CEP128: variants seen among roughly 807,000 people sequenced by gnomAD.
CEP128 encodes centrosomal protein 128.
In CEP128, 132 loss-of-function variants were observed where a neutral mutation model predicts 156.7. The observed-to-expected ratio is 0.84, with a 90% confidence interval of 0.73 to 0.97. The LOEUF is 0.97. Among genes scored for constraint, CEP128 ranks in the 50% least tolerant of loss-of-function variants. The pLI, the probability that CEP128 is intolerant of heterozygous loss-of-function variation, is 0.00. For missense variants in CEP128, 1,252 were observed against 1,281.9 expected (o/e 0.98, Z 0.36); for synonymous variants, 469 against 448.9 (o/e 1.04, Z -0.57).
intron 19 of CEP128, among the ~76,000 whole-genome samples, chr14:80,617,190 G>A (rs976635688): frequency 7.1e-6 from 1 of 141,264 alleles, no homozygotes; most frequent in African/African-American, 2.6e-5. Flanking sequence ...ATCCATTGGG[G>A]CAAATCACTT....
At position 80,836,267 on chromosome 14, in the gene CEP128, T is replaced by G; in HGVS notation, c.995A>C (p.Gln332Pro). 6.2e-7 allele frequency: 1 copy of G among 1,613,952 alleles called. No individual in the cohort carries two copies. The highest frequency in any genetic ancestry group is 1.7e-5 in the Admixed American group (1 of 60,026). Residue 332 changes from glutamine to proline, a missense_variant, in exon 12 of 25, where the codon CAG becomes CCG. Transcript: ENST00000555265. ...DRKGLQHQVSQISKQQSNYQD... is the reference protein window; with the variant it reads ...DRKGLQHQVSPISKQQSNYQD... ...ATAGTTTGACTGTTGCTTGGAAATC[T>G]GAGATACTTGATGCTGTAAACCCTT... is the stretch of plus-strand genomic sequence containing the variant.
chr14:80,766,722 A>G (rs917081113), intron 16 of CEP128, among the ~76,000 whole-genome samples: 1 of 152,152 alleles, frequency 6.6e-6, no homozygotes, highest in African/African-American at 2.4e-5. Flanking sequence ...TACAAAGGTA[A>G]TTAATGGTTT....
intron 13 of CEP128, among the ~76,000 whole-genome samples, chr14:80,818,868 T>A (rs1270126609): frequency 6.6e-6 from 1 of 152,260 alleles, no homozygotes; most frequent in Non-Finnish European, 1.5e-5. Context: ...TCAGCTACTT[T>A]GTCTTCTGAG....
At chr14:80,485,765 C>T (rs6574581), downstream of CEP128, among the ~76,000 whole-genome samples, 64,500 of 151,980 alleles carry the variant, frequency 0.42, 16,239 homozygotes, top group East Asian at 0.69. Flanking sequence ...GAGTGGAAGG[C>T]CACTAGTGCT....
chr14:80,852,893 A>G (rs563513797), intron 9 of CEP128, among the ~76,000 whole-genome samples: 84 of 152,060 alleles, frequency 5.5e-4, no homozygotes, highest in African/African-American at 1.9e-3. Context: ...ACAAATATAA[A>G]AATCCTAAGA....
intron 19 of CEP128, among the ~76,000 whole-genome samples, chr14:80,734,298 G>A (rs953374935): frequency 1.3e-5 from 2 of 152,204 alleles, no homozygotes; most frequent in Middle Eastern, 3.4e-3. Flanking sequence ...AGCCTGCATT[G>A]TGTCTTCATA....
intron 2 of CEP128, among the ~76,000 whole-genome samples, chr14:80,950,894 C>T (rs1886450186): frequency 8.6e-6 from 1 of 116,946 alleles, no homozygotes; most frequent in South Asian, 2.7e-4. Flanking sequence ...ATCTGAAAAG[C>T]ATCCCGAGTA....
chr14:80,718,336 T>C (rs1475294250), intron 19 of CEP128, among the ~76,000 whole-genome samples: 1 of 152,218 alleles, frequency 6.6e-6, no homozygotes, highest in Non-Finnish European at 1.5e-5. Flanking sequence ...GCATAACATT[T>C]GCTTCTAAAT....
intron 2 of CEP128, among the ~76,000 whole-genome samples, chr14:80,937,465 TC>T (rs1444057879): frequency 6.6e-6 from 1 of 152,038 alleles, no homozygotes; most frequent in Non-Finnish European, 1.5e-5. Context: ...AAATTTTAAT[TC>T]ACTCATCCAT....
rs547925946 is a variant in CEP128, at chr14:80,639,276, C to A, written c.2807-58853G>T. Among the ~76,000 whole-genome samples the A allele has an allele frequency of 7.2e-5, 11 of 152,164 alleles. No individual in the cohort carries two copies. The East Asian group carries it at 2.1e-3, about 29-fold the overall frequency. Reference sequence around the variant, plus strand: ...TAGCAGATACATACAAGATGTAGCTCAGAAGCTGAGTTCAGACAAAACAAT... The same window carrying A: ...TAGCAGATACATACAAGATGTAGCTAAGAAGCTGAGTTCAGACAAAACAAT... On this transcript the variant is annotated intron_variant, in intron 19 of 24. Coordinates refer to ENST00000555265, the MANE Select transcript of CEP128 (RefSeq NM_152446.5).
At position 80,916,433 on chromosome 14, in the gene CEP128, C is replaced by G. The variant is rs371987779; in HGVS notation, c.115G>C (p.Glu39Gln). ...GTACTTGTTATAGTGTTGACCTTCT[C>G]GGTAACTTCTACTGTAGGAAGACTT... ...TRSLPTVEVT[E>Q]KVNTITSTLQ... Residue 39 changes from glutamate (E) to glutamine (Q), a missense_variant, in exon 3 of 25, where the codon GAG (glutamate) becomes CAG (glutamine). Physicochemically the swap from Glu to Gln is conservative, Grantham distance 29. Coordinates refer to ENST00000555265, the MANE Select transcript of CEP128 (RefSeq NM_152446.5). 1.2e-6 allele frequency: 2 copies of G among 1,613,974 alleles called. No individual in the cohort carries two copies. The highest frequency in any genetic ancestry group is 1.7e-6 in the Non-Finnish European group (2 of 1,179,926).
At chr14:80,532,574 C>A (rs570122534) in intron 21 of CEP128, among the ~76,000 whole-genome samples, 22 of 152,244 alleles carry the variant, frequency 1.4e-4, no homozygotes, top group Non-Finnish European at 2.2e-4. Flanking sequence ...TCTAACCCTT[C>A]CTTACAGACA....
At chr14:80,539,708 C>A (rs1594968996) in intron 21 of CEP128, among the ~76,000 whole-genome samples, 1 of 151,962 alleles carries the variant, frequency 6.6e-6, no homozygotes, top group Non-Finnish European at 1.5e-5. Flanking sequence ...CGGGGTCAGG[C>A]AAAACAGCCA....
chr14:80,530,120 A>G (rs969038474), intron 22 of CEP128, among the ~76,000 whole-genome samples: 7 of 152,254 alleles, frequency 4.6e-5, no homozygotes, highest in Non-Finnish European at 1.0e-4. Flanking sequence ...AGCTTCAGCT[A>G]TACAAGGTCA....
chr14:80,755,941 A>T (rs1227251202), intron 18 of CEP128, among the ~76,000 whole-genome samples: 1 of 152,178 alleles, frequency 6.6e-6, no homozygotes, highest in East Asian at 1.9e-4. Context: ...ACTGCTCACA[A>T]GCTCCCAAAT....
rs75973181 is a variant in CEP128, at chr14:80,617,860, T to A, written c.2807-37437A>T. On this transcript the variant is annotated intron_variant, in intron 19 of 24. Coordinates refer to ENST00000555265, the MANE Select transcript of CEP128 (RefSeq NM_152446.5). ...TGTTTTCCTTTTCTAAAAGTAAGCATGTAGTGTATTTGGTTAAACTATAAG... is the reference window on the plus strand; with the variant it reads ...TGTTTTCCTTTTCTAAAAGTAAGCAAGTAGTGTATTTGGTTAAACTATAAG... 1.6e-3 allele frequency among the ~76,000 whole-genome samples: 248 copies of A among 152,344 alleles called. No homozygotes were observed. In the Middle Eastern group the frequency reaches 0.024, roughly 15 times the overall value.
chr14:80,735,230 A>G (rs1172700412), intron 19 of CEP128, among the ~76,000 whole-genome samples: 1 of 152,180 alleles, frequency 6.6e-6, no homozygotes, highest in Non-Finnish European at 1.5e-5. Flanking sequence ...TGACTACGTA[A>G]TATCAAGGGC....
intron 8 of CEP128, among the ~76,000 whole-genome samples, chr14:80,877,875 C>T (rs1183228145): frequency 6.6e-6 from 1 of 152,036 alleles, no homozygotes; most frequent in Non-Finnish European, 1.5e-5. Context: ...ACAATACCCA[C>T]CCCCCACCGC....
rs749726638 is a variant in CEP128, at chr14:80,906,023, T to A, written c.293A>T (p.Asn98Ile). 1 of 1,612,956 alleles carries A rather than the reference T, an allele frequency of 6.2e-7. No homozygotes were observed. Among genetic ancestry groups the A allele is most frequent in the Non-Finnish European group, 8.5e-7 (1 of 1,179,536 alleles). ...AACAGAAATACTTCTCCCTCCTGAG[T>A]TTCTCAATAAACGTTGACTCCGGAG... ...DQLRSQRLLR[N>I]SGGRSISVTS... The change falls in exon 5 of 25, where the codon AAC becomes ATC. Residue 98 changes from asparagine to isoleucine, a missense_variant. By Grantham distance (149) the Asn-to-Ile change is moderately radical (BLOSUM62 -3). Coordinates refer to ENST00000555265, the MANE Select transcript of CEP128 (RefSeq NM_152446.5).
Sources: allele counts gnomAD v4.1 joint callset (sites outside exome capture counted in the v4.1 genomes callset), GRCh38; gene constraint gnomAD v4.1.1; transcripts MANE v1.5; gene names NCBI Gene and HGNC (gene_info 2026-07-23, HGNC 2026-07-21).